The following PXDNL variants were observed in gnomAD, a reference collection of about 807,000 sequenced individuals.
The protein encoded by PXDNL is probable oxidoreductase PXDNL.
PXDNL carries 145 observed loss-of-function variants against 150.8 expected under a neutral mutation model. That is an observed-to-expected ratio of 0.96 (90% CI 0.84 to 1.10). The LOEUF (loss-of-function observed/expected upper bound fraction) is 1.10, where lower values mean the gene tolerates loss of function less well. Among genes scored for constraint, PXDNL ranks in the 50% least tolerant of loss-of-function variants. PXDNL has a pLI of 0.00. For missense variants in PXDNL, 2,087 were observed against 1,873.9 expected (o/e 1.11, Z -2.10); for synonymous variants, 757 against 725.7 (o/e 1.04, Z -0.69).
chr8:51,329,026 C>A (rs1000542292), intron 21 of PXDNL, among the ~76,000 whole-genome samples: 6 of 152,150 alleles, frequency 3.9e-5, no homozygotes, highest in African/African-American at 1.4e-4. Context: ...ACAGAAAAAC[C>A]AGGGGTCAGC....
intron 4 of PXDNL, among the ~76,000 whole-genome samples, chr8:51,529,966 C>A (rs1394272452): frequency 6.6e-6 from 1 of 152,184 alleles, no homozygotes; most frequent in Non-Finnish European, 1.5e-5. Context: ...ACCAAAAATG[C>A]ATCAGCATTG....
At chr8:51,761,245 G>C (rs556941458) in intron 1 of PXDNL, among the ~76,000 whole-genome samples, 15 of 151,886 alleles carry the variant, frequency 9.9e-5, no homozygotes, top group African/African-American at 3.4e-4. Context: ...CAAACAGCAG[G>C]GTTCTCCAAA....
chr8:51,522,313 G>A (rs1811678719), intron 4 of PXDNL, among the ~76,000 whole-genome samples: 1 of 152,072 alleles, frequency 6.6e-6, no homozygotes, highest in Admixed American at 6.5e-5. Flanking sequence ...TCTTGTTCTG[G>A]GTTCTCTGTT....
intron 8 of PXDNL, among the ~76,000 whole-genome samples, chr8:51,467,843 G>C (rs1810236249): frequency 6.6e-6 from 1 of 151,924 alleles, no homozygotes; most frequent in African/African-American, 2.4e-5. Flanking sequence ...CCTTCGTTCT[G>C]AGCTTTTAAT....
At chr8:51,328,103 G>A (rs1805574028) in intron 21 of PXDNL, among the ~76,000 whole-genome samples, 1 of 152,204 alleles carries the variant, frequency 6.6e-6, no homozygotes, top group Non-Finnish European at 1.5e-5. Context: ...GGCCTGAATA[G>A]AACACAAATA....
At chr8:51,683,854 CA>C (rs149623784) in intron 1 of PXDNL, among the ~76,000 whole-genome samples, 4,285 of 152,246 alleles carry the variant, frequency 0.028, 85 homozygotes, top group Non-Finnish European at 0.042. Context: ...GCAGAAAGCA[CA>C]ATCAGATTTC....
chr8:51,623,993 T>C (rs1179321068), intron 2 of PXDNL, among the ~76,000 whole-genome samples: 1 of 148,676 alleles, frequency 6.7e-6, no homozygotes, highest in Non-Finnish European at 1.5e-5. Context: ...CTTGGGAAGC[T>C]GAGGTGGGAG....
intron 1 of PXDNL, among the ~76,000 whole-genome samples, chr8:51,688,136 A>G (rs1585674913): frequency 1.3e-5 from 2 of 152,132 alleles, no homozygotes; most frequent in Non-Finnish European, 2.9e-5. Context: ...TTTTCCTTAC[A>G]TGTCTTAATA....
At chr8:51,787,621 C>A (rs1365666829) in intron 1 of PXDNL, among the ~76,000 whole-genome samples, 1 of 152,188 alleles carries the variant, frequency 6.6e-6, no homozygotes, top group African/African-American at 2.4e-5. Flanking sequence ...TGAGTTCTTG[C>A]TTCTTATGGA....
At chr8:51,347,775 A>T (rs948190897) in intron 19 of PXDNL, among the ~76,000 whole-genome samples, 1 of 150,944 alleles carries the variant, frequency 6.6e-6, no homozygotes, top group Non-Finnish European at 1.5e-5. Context: ...AAGTCAAGAC[A>T]TTCTAGATAA....
intron 19 of PXDNL, among the ~76,000 whole-genome samples, chr8:51,356,010 G>A (rs1447093660): frequency 6.6e-6 from 1 of 152,212 alleles, no homozygotes; most frequent in Non-Finnish European, 1.5e-5. Context: ...CACATGGTGG[G>A]GTGAGGAAAA....
At chr8:51,362,412 C>A (rs896777381) in intron 19 of PXDNL, among the ~76,000 whole-genome samples, 19 of 152,168 alleles carry the variant, frequency 1.2e-4, no homozygotes, top group African/African-American at 4.1e-4. Context: ...TATCTTTAAA[C>A]CTTTTTGTAA....
chr8:51,441,708 T>A (rs1809553547), intron 12 of PXDNL, among the ~76,000 whole-genome samples: 1 of 152,196 alleles, frequency 6.6e-6, no homozygotes, highest in South Asian at 2.1e-4. Context: ...TGATGGTTAG[T>A]GGTATCCATA....
At chr8:51,365,008 T>A (rs546069728) in intron 19 of PXDNL, among the ~76,000 whole-genome samples, 1 of 152,324 alleles carries the variant, frequency 6.6e-6, no homozygotes, top group African/African-American at 2.4e-5. Context: ...TGGCATGATC[T>A]CGACTCACTG....
chr8:51,721,608 A>C (rs1816731007), intron 1 of PXDNL: 2 of 339,224 alleles, frequency 5.9e-6, no homozygotes. Flanking sequence ...CGTTGTGCAC[A>C]TGTACCCTAA....
intron 1 of PXDNL, among the ~76,000 whole-genome samples, chr8:51,801,271 G>A (rs567176973): frequency 3.7e-4 from 57 of 152,026 alleles, no homozygotes; most frequent in Non-Finnish European, 1.8e-4. Flanking sequence ...AAAAGATCCC[G>A]CCCTGGTAAA....
intron 4 of PXDNL, among the ~76,000 whole-genome samples, chr8:51,531,231 C>T (rs1811896003): frequency 6.6e-6 from 1 of 152,200 alleles, no homozygotes; most frequent in Admixed American, 6.5e-5. Flanking sequence ...GGAATTGATT[C>T]CAGTGGAAGG....
At chr8:51,700,416 CAT>C (rs957403028) in intron 1 of PXDNL, among the ~76,000 whole-genome samples, 5 of 151,782 alleles carry the variant, frequency 3.3e-5, no homozygotes, top group Non-Finnish European at 7.4e-5. Flanking sequence ...CACACACAAA[CAT>C]ATGCACACCC....
rs566561206 is a variant in PXDNL at position 51,359,617 on chromosome 8, G to A, written c.3901+12256C>T. Among the ~76,000 whole-genome samples the A allele has an allele frequency of 3.5e-4, 54 of 152,242 alleles. No individual in the cohort carries two copies. In the South Asian group the frequency reaches 0.011, roughly 31 times the overall value. The stretch of plus-strand genomic sequence containing the variant: ...ATATACAGTAAATAAGGAAATATAT[G>A]TATAAATTTCCCCTTGTTGAAGAAA... On this transcript the variant is annotated intron_variant, in intron 19 of 22. Transcript: ENST00000356297.
Sources: gnomAD v4.1 joint callset for allele counts (sites outside exome capture counted in the v4.1 genomes callset) on GRCh38, gnomAD v4.1.1 for gene constraint, MANE v1.5 for transcripts, NCBI Gene and HGNC (gene_info 2026-07-23, HGNC 2026-07-21) for gene names.